Variants in NOS1AP observed in about 807,000 individuals in gnomAD.
NOS1AP encodes nitric oxide synthase 1 adaptor protein, also known as carboxyl-terminal PDZ ligand of neuronal nitric oxide synthase protein.
Under a neutral mutation model 56.2 loss-of-function variants are expected in NOS1AP, and 21 were observed. The ratio of observed to expected loss-of-function variants is 0.37; its 90% CI spans 0.26 to 0.54. The LOEUF is 0.54. Among genes scored for constraint, NOS1AP ranks in the 20% least tolerant of loss-of-function variants. NOS1AP has a pLI of 0.84. For synonymous variants in NOS1AP, 270 were observed against 274.6 expected (o/e 0.98, Z 0.17); for missense variants, 522 against 657.8 (o/e 0.79, Z 2.26).
chr1:162,076,752 C>G (rs916029939), intron 1 of NOS1AP, among the ~76,000 whole-genome samples: 1 of 152,178 alleles, frequency 6.6e-6, no homozygotes, highest in Admixed American at 6.5e-5. Flanking sequence ...GTAATCCTTA[C>G]CCCCTGCGTC....
intron 6 of NOS1AP, among the ~76,000 whole-genome samples, chr1:162,346,705 T>C (rs954153296): frequency 3.9e-5 from 6 of 152,254 alleles, no homozygotes; most frequent in Non-Finnish European, 8.8e-5. Context: ...GGATATATAT[T>C]AGTTATAAAT....
At chr1:162,365,203 G>T in intron 8 of NOS1AP, 8 of 1,447,326 alleles carry the variant, frequency 5.5e-6, no homozygotes, top group Non-Finnish European at 7.3e-6. Flanking sequence ...ACACAGCTTC[G>T]CAGTGCCAGT....
At chr1:162,264,404 T>TC (rs1463034351) in intron 2 of NOS1AP, among the ~76,000 whole-genome samples, 1 of 3,940 alleles carries the variant, frequency 2.5e-4, no homozygotes, top group African/African-American at 3.2e-4. Flanking sequence ...TGCCCTCTCC[T>TC]CTTCTCTTCC....
rs1412489147 is a variant in NOS1AP at position 162,356,973 on chromosome 1, A to T, written c.776A>T (p.Gln259Leu). ...SHTGSKVSHP[Q>L]EPMLTASPRM... ...CTTCTCCTCCAGGTTTCGCACCCCCAGGAGCCCATGCTGACAGCCTCACCC... is the reference window on the plus strand; with the variant it reads ...CTTCTCCTCCAGGTTTCGCACCCCCTGGAGCCCATGCTGACAGCCTCACCC... The change falls in exon 8 of 10, where the codon CAG becomes CTG. Residue 259 changes from glutamine (Q) to leucine (L), a missense_variant. Transcript: ENST00000361897. 6.2e-7 allele frequency: 1 copy of T among 1,613,994 alleles called. No individual in the cohort carries two copies. The highest frequency in any genetic ancestry group is 8.5e-7 in the Non-Finnish European group (1 of 1,180,054).
chr1:162,299,856 G>A (rs1431744481), intron 3 of NOS1AP, among the ~76,000 whole-genome samples: 1 of 152,108 alleles, frequency 6.6e-6, no homozygotes, highest in Non-Finnish European at 1.5e-5. Context: ...GTAAGAGCCT[G>A]GACATGATCT....
At chr1:162,358,004 T>C (rs1483263904) in intron 8 of NOS1AP, among the ~76,000 whole-genome samples, 1 of 152,118 alleles carries the variant, frequency 6.6e-6, no homozygotes, top group Non-Finnish European at 1.5e-5. Flanking sequence ...GATGAGTGCA[T>C]GAAGATCTTA....
chr1:162,317,374 G>A (rs1432130315), intron 4 of NOS1AP: 1 of 152,124 alleles, frequency 6.6e-6, no homozygotes, highest in Non-Finnish European at 1.5e-5. Context: ...ACACACACGT[G>A]CACATACACA....
At chr1:162,287,743 G>T (rs1369631923) in intron 3 of NOS1AP, among the ~76,000 whole-genome samples, 5 of 151,884 alleles carry the variant, frequency 3.3e-5, no homozygotes, top group African/African-American at 1.2e-4. Flanking sequence ...GAGTCCTGAT[G>T]GTAGAAAATA....
chr1:162,181,905 G>A (rs1237436301), intron 2 of NOS1AP, among the ~76,000 whole-genome samples: 7 of 152,226 alleles, frequency 4.6e-5, no homozygotes, highest in Admixed American at 3.3e-4. Flanking sequence ...TTCTGGGGAT[G>A]ACCTAAGAAG....
At chr1:162,174,934 C>T (rs900900943) in intron 2 of NOS1AP, among the ~76,000 whole-genome samples, 1 of 152,078 alleles carries the variant, frequency 6.6e-6, no homozygotes, top group Non-Finnish European at 1.5e-5. Flanking sequence ...CTGGTCAGGC[C>T]TATTTTGTAG....
At chr1:162,357,256 T>C (rs1657736468) in intron 8 of NOS1AP, 120 bp downstream of exon 8, 1 of 1,507,928 alleles carries the variant, frequency 6.6e-7, no homozygotes, top group East Asian at 2.5e-5. Flanking sequence ...TCGCTCATGC[T>C]ATTGGATCAT....
chr1:162,139,222 T>C (rs957017751), intron 1 of NOS1AP, among the ~76,000 whole-genome samples: 6 of 152,144 alleles, frequency 3.9e-5, no homozygotes, highest in African/African-American at 1.4e-4. Flanking sequence ...ATGAGGTGGT[T>C]GAAGACCACA....
At chr1:162,140,709 T>C (rs1287116559) in intron 1 of NOS1AP, among the ~76,000 whole-genome samples, 1 of 152,204 alleles carries the variant, frequency 6.6e-6, no homozygotes, top group African/African-American at 2.4e-5. Flanking sequence ...TCTTAGTTCT[T>C]TGAGAAATCT....
intron 2 of NOS1AP, among the ~76,000 whole-genome samples, chr1:162,221,975 TC>T (rs1652798348): frequency 6.6e-6 from 1 of 152,230 alleles, no homozygotes; most frequent in East Asian, 1.9e-4. Flanking sequence ...TTAATCATTC[TC>T]CCATTGAATA....
chr1:162,183,039 C>T (rs942427710), intron 2 of NOS1AP, among the ~76,000 whole-genome samples: 7 of 152,190 alleles, frequency 4.6e-5, no homozygotes, highest in Admixed American at 2.0e-4. Context: ...AGAGGAGTCA[C>T]TATCTATGGC....
chr1:162,184,851 A>G (rs1651374598), intron 2 of NOS1AP, among the ~76,000 whole-genome samples: 1 of 152,208 alleles, frequency 6.6e-6, no homozygotes, highest in Admixed American at 6.5e-5. Flanking sequence ...TGAATAATCA[A>G]TATAGTCTGT....
intron 8 of NOS1AP, chr1:162,363,823 A>G: frequency 3.0e-6 from 3 of 985,474 alleles, no homozygotes; most frequent in South Asian, 4.7e-5. Context: ...AGACAAAAAA[A>G]TGAGTCTGAC....
intron 8 of NOS1AP, chr1:162,365,144 G>T: frequency 7.1e-7 from 1 of 1,408,568 alleles, no homozygotes; most frequent in South Asian, 1.5e-5. Flanking sequence ...CCTGCCTCTT[G>T]CCCTTGGTAT....
At chr1:162,365,314 G>T (rs765329164) in intron 8 of NOS1AP, 90 bp from the exon 9 acceptor site, 11 of 1,600,636 alleles carry the variant, frequency 6.9e-6, no homozygotes, top group Non-Finnish European at 9.4e-6. Flanking sequence ...GGCATCTCTG[G>T]TCCCGGCCAT....
Sources: gnomAD v4.1 joint callset for allele counts (sites outside exome capture counted in the v4.1 genomes callset) on GRCh38, gnomAD v4.1.1 for gene constraint, MANE v1.5 for transcripts, NCBI Gene and HGNC (gene_info 2026-07-23, HGNC 2026-07-21) for gene names.